The following MKLN1 variants were observed in gnomAD, a reference collection of about 807,000 sequenced individuals.
MKLN1 encodes the protein muskelin.
MKLN1 carries 18 observed loss-of-function variants against 99.0 expected under a neutral mutation model. That is an observed-to-expected ratio of 0.18 (90% confidence interval 0.13 to 0.27). The LOEUF is 0.27. Among genes scored for constraint, MKLN1 ranks in the 10% least tolerant of loss-of-function variants. MKLN1 has a pLI of 1.00. For missense variants in MKLN1, 621 were observed against 875.9 expected, an observed-to-expected ratio of 0.71 and a Z score of 3.67; for synonymous variants, 288 against 293.2, an observed-to-expected ratio of 0.98 and a Z score of 0.18.
intron 14 of MKLN1, among the ~76,000 whole-genome samples, chr7:131,465,180 T>A (rs1796623228): frequency 6.6e-6 from 1 of 152,162 alleles, no homozygotes; most frequent in African/African-American, 2.4e-5. Flanking sequence ...TAAATGTTTT[T>A]AAAATTTTAG....
intron 2 of MKLN1, among the ~76,000 whole-genome samples, chr7:131,197,614 C>G (rs1030419567): frequency 6.6e-6 from 1 of 151,704 alleles, no homozygotes; most frequent in Non-Finnish European, 1.5e-5. Flanking sequence ...AATGGATGCT[C>G]TCTTCTAGAG....
intron 3 of MKLN1, among the ~76,000 whole-genome samples, chr7:131,287,189 T>A (rs957710582): frequency 2.0e-5 from 3 of 152,248 alleles, no homozygotes; most frequent in African/African-American, 4.8e-5. Context: ...TATCCTCCTG[T>A]CCCATCTGAG....
chr7:131,132,119 AG>A (rs938541315), intron 1 of MKLN1, among the ~76,000 whole-genome samples: 1 of 152,260 alleles, frequency 6.6e-6, no homozygotes, highest in Non-Finnish European at 1.5e-5. Context: ...GGCTTTTAAA[AG>A]TCAATTGTGT....
chr7:131,322,612 G>A (rs10954316), intron 3 of MKLN1, among the ~76,000 whole-genome samples: 64,859 of 143,646 alleles, frequency 0.45, 15,992 homozygotes, highest in Admixed American at 0.59. Flanking sequence ...CGCCCAGGCC[G>A]GACTGCGGAC....
At chr7:131,247,931 C>A (rs952475467) in intron 3 of MKLN1, among the ~76,000 whole-genome samples, 1 of 150,376 alleles carries the variant, frequency 6.6e-6, no homozygotes, top group Non-Finnish European at 1.5e-5. Context: ...CAGGGTCTCA[C>A]TCTGTCACCC....
intron 12 of MKLN1, among the ~76,000 whole-genome samples, chr7:131,451,555 A>G (rs1169199243): frequency 6.6e-6 from 1 of 152,190 alleles, no homozygotes; most frequent in Non-Finnish European, 1.5e-5. Context: ...TAGATTTAAC[A>G]TCTGAAGATC....
chr7:131,231,408 C>T (rs1457849564), intron 3 of MKLN1, among the ~76,000 whole-genome samples: 1 of 152,078 alleles, frequency 6.6e-6, no homozygotes, highest in Non-Finnish European at 1.5e-5. Flanking sequence ...TCGTCTTGAA[C>T]CTGTACAGCT....
chr7:131,413,302 T>C (rs938055967), intron 7 of MKLN1, among the ~76,000 whole-genome samples: 75 of 152,220 alleles, frequency 4.9e-4, no homozygotes, highest in African/African-American at 1.8e-3. Flanking sequence ...CAGTTTTGTA[T>C]CTTATTTTCT....
chr7:131,315,963 G>A (rs1179049684), intron 3 of MKLN1, among the ~76,000 whole-genome samples: 4 of 152,214 alleles, frequency 2.6e-5, no homozygotes, highest in East Asian at 1.9e-4. Context: ...AGAGCACTGC[G>A]GAGGGGCTGC....
chr7:131,441,681 T>C (rs1251388180), intron 10 of MKLN1, among the ~76,000 whole-genome samples: 1 of 152,172 alleles, frequency 6.6e-6, no homozygotes. Flanking sequence ...ACTACCAAGA[T>C]AAAGATGTTT....
At chr7:131,383,194 T>C (rs1793904756) in intron 2 of MKLN1, among the ~76,000 whole-genome samples, 1 of 152,216 alleles carries the variant, frequency 6.6e-6, no homozygotes, top group Admixed American at 6.5e-5. Context: ...CCAAATTTCT[T>C]AATATGGTCA....
At chr7:131,481,988 G>C (rs906350788) in intron 17 of MKLN1, among the ~76,000 whole-genome samples, 3 of 152,120 alleles carry the variant, frequency 2.0e-5, no homozygotes, top group African/African-American at 7.2e-5. Flanking sequence ...AAAAATGAGT[G>C]ATCTCGGAGA....
At chr7:131,443,735 T>C (rs764201940) in intron 11 of MKLN1, 33 bp downstream of exon 11, 10 of 1,427,860 alleles carry the variant, frequency 7.0e-6, no homozygotes, top group Non-Finnish European at 9.9e-6. Context: ...GTAAATGTTA[T>C]TTTGTCATGT....
intron 2 of MKLN1, among the ~76,000 whole-genome samples, chr7:131,170,391 G>A (rs1796198766): frequency 6.6e-6 from 1 of 152,120 alleles, no homozygotes; most frequent in Non-Finnish European, 1.5e-5. Context: ...CCTTCTCTGT[G>A]ATGCTGAGAA....
intron 1 of MKLN1, among the ~76,000 whole-genome samples, chr7:131,115,390 G>A (rs942506131): frequency 2.0e-5 from 3 of 152,052 alleles, no homozygotes; most frequent in South Asian, 2.1e-4. Flanking sequence ...TGTCTCTTTC[G>A]GTCTCCACTG....
rs183848001 is a variant in MKLN1, at chr7:131,127,025, T to C, written c.-418-15795T>C. ...TACTAAAAATACAAAATTAGCCATG[T>C]GTGGTGGTGCATGCCTGTAATCCCA... is the stretch of plus-strand genomic sequence containing the variant. On this transcript the variant is annotated intron_variant, in intron 1 of 7. Coordinates refer to the MKLN1 transcript ENST00000416992. 5.7e-3 allele frequency among the ~76,000 whole-genome samples: 863 copies of C among 152,048 alleles called. 7 individuals carry two copies. Among genetic ancestry groups the C allele is most frequent in the Admixed American group, 8.6e-3 (132 of 15,288 alleles).
chr7:131,389,335 T>C (rs1282161988), intron 4 of MKLN1, among the ~76,000 whole-genome samples: 1 of 152,188 alleles, frequency 6.6e-6, no homozygotes, highest in Non-Finnish European at 1.5e-5. Context: ...GTGATTTGAT[T>C]GCCTTAATTT....
rs150845390 is a variant in MKLN1, at chr7:131,283,680, G to C, written c.-179+80706G>C. On this transcript the variant is annotated intron_variant, in intron 3 of 7. Transcript: ENST00000416992. ...GAACTCCTGGGCTGAAGCTGTCTGC[G>C]CATCTTGGCCTCCCAAAAATGCTGG... 5.2e-3 allele frequency among the ~76,000 whole-genome samples: 787 copies of C among 151,930 alleles called. 7 individuals are homozygous for C. Among genetic ancestry groups the C allele is most frequent in the African/African-American group, 0.018 (748 of 41,452 alleles).
chr7:131,302,891 G>A (rs1688394931), intron 3 of MKLN1, among the ~76,000 whole-genome samples: 1 of 152,200 alleles, frequency 6.6e-6, no homozygotes, highest in Non-Finnish European at 1.5e-5. Flanking sequence ...GGTTCAATGA[G>A]AAGGTCAGCT....
Sources: gnomAD v4.1 joint callset for allele counts (sites outside exome capture counted in the v4.1 genomes callset) on GRCh38, gnomAD v4.1.1 for gene constraint, MANE v1.5 for transcripts, NCBI Gene and HGNC (gene_info 2026-07-23, HGNC 2026-07-21) for gene names.